Variants in BAZ1A observed in about 807,000 individuals in gnomAD.
The protein encoded by BAZ1A is bromodomain adjacent to zinc finger domain protein 1A.
Under a neutral mutation model 185.2 loss-of-function variants are expected in BAZ1A, and 50 were observed. That is an observed-to-expected ratio of 0.27 (90% confidence interval 0.22 to 0.34). The LOEUF is 0.34. BAZ1A is among the 10% of genes least tolerant of loss of function. The pLI is 1.00. For missense variants in BAZ1A, 1,356 were observed against 1,839.9 expected (o/e 0.74, Z 4.81); for synonymous variants, 571 against 615.6 (o/e 0.93, Z 1.07).
At chr14:34,801,251 A>C in intron 7 of BAZ1A, 58 bp from the exon 8 acceptor site, 1 of 1,182,334 alleles carries the variant, frequency 8.5e-7, no homozygotes. Flanking sequence ...AAAAGCAAAA[A>C]ATTTAAAACT....
intron 4 of BAZ1A, among the ~76,000 whole-genome samples, chr14:34,823,146 G>A (rs2042112087): frequency 6.6e-6 from 1 of 152,090 alleles, no homozygotes; most frequent in African/African-American, 2.4e-5. Context: ...CTGAGGTCAG[G>A]AGTTCAAGAC....
At chr14:34,832,215 C>CAT (rs796421959) in intron 3 of BAZ1A, among the ~76,000 whole-genome samples, 1,199 of 89,680 alleles carry the variant, frequency 0.013, 43 homozygotes, top group African/African-American at 0.037. Flanking sequence ...CACACACACA[C>CAT]ATATATATAT....
intron 3 of BAZ1A, among the ~76,000 whole-genome samples, chr14:34,861,381 C>G (rs2042766970): frequency 6.6e-6 from 1 of 151,970 alleles, no homozygotes; most frequent in East Asian, 1.9e-4. Context: ...CTGAAGAGCT[C>G]GGTGAAAGGG....
rs904698794 is a variant in BAZ1A, at chr14:34,874,620, G to A, written c.-16C>T. ...GCAGCGGCATCTCCCGTCCGCCCGC[G>A]GGCTCGCCTGGACCCTCGGCCGCCC... On this transcript the variant is annotated 5_prime_UTR_variant, in exon 2 of 27. Transcript: ENST00000360310. The surrounding 1 kb of genome is among the most constrained non-coding windows in gnomAD (Gnocchi z 4.7). 6 of 1,599,226 alleles carry A rather than the reference G, an allele frequency of 3.8e-6. No individual in the cohort carries two copies. The highest frequency in any genetic ancestry group is 5.1e-6 in the Non-Finnish European group (6 of 1,171,912).
intron 21 of BAZ1A, among the ~76,000 whole-genome samples, chr14:34,766,045 G>A (rs1878816241): frequency 6.6e-6 from 1 of 152,082 alleles, no homozygotes; most frequent in South Asian, 2.1e-4. Context: ...GTAGCATAAC[G>A]GTTAAGAAAA....
intron 2 of BAZ1A, among the ~76,000 whole-genome samples, chr14:34,869,771 G>A (rs1274749588): frequency 6.6e-6 from 1 of 152,106 alleles, no homozygotes; most frequent in Non-Finnish European, 1.5e-5. Flanking sequence ...CCAAGAGCTG[G>A]AGTCTATTTC....
At chr14:34,758,551 G>T in intron 25 of BAZ1A, 153 bp downstream of exon 25, 3 of 740,076 alleles carry the variant, frequency 4.1e-6, no homozygotes, top group Non-Finnish European at 6.3e-6. Context: ...CTGCACTCCA[G>T]CCTGGGCGAC....
intron 2 of BAZ1A, among the ~76,000 whole-genome samples, chr14:34,864,855 C>A (rs937819290): frequency 6.6e-6 from 1 of 151,224 alleles, no homozygotes; most frequent in Non-Finnish European, 1.5e-5. Context: ...TGGCTCACTG[C>A]AACCTCCGCC....
chr14:34,811,018 A>G lies in BAZ1A; in HGVS notation c.555T>C (p.Ile185=), dbSNP rs2041922390. The change falls in exon 5 of 27, where the codon ATT becomes ATC. Residue 185 remains isoleucine, a synonymous_variant. Transcript: ENST00000360310. Reference sequence around the variant, plus strand: ...CTTTATACTTGAATAGTAAGGGATCAATTGCATCTTTTTTCTTCCTAAAAA... The same window carrying G: ...CTTTATACTTGAATAGTAAGGGATCGATTGCATCTTTTTTCTTCCTAAAAA... The part of the protein sequence containing the change: ...SFQNGKKKDA[I]DPLLFKYKVQ... The G allele has an allele frequency of 6.3e-7, 1 of 1,595,764 alleles. No individual in the cohort carries two copies. Among genetic ancestry groups the G allele is most frequent in the Non-Finnish European group, 8.6e-7 (1 of 1,168,450 alleles).
chr14:34,838,699 A>G (rs1384054848), intron 3 of BAZ1A, among the ~76,000 whole-genome samples: 2 of 151,748 alleles, frequency 1.3e-5, no homozygotes, highest in Admixed American at 1.3e-4. Flanking sequence ...TAATTTTTGT[A>G]TTTTTAGTAG....
intron 4 of BAZ1A, among the ~76,000 whole-genome samples, chr14:34,811,458 A>T (rs911770660): frequency 2.0e-5 from 3 of 152,002 alleles, no homozygotes; most frequent in East Asian, 1.9e-4. Flanking sequence ...TCAAAATTTT[A>T]AAATTTTATT....
intron 17 of BAZ1A, among the ~76,000 whole-genome samples, chr14:34,777,735 T>C (rs560051093): frequency 6.6e-6 from 1 of 151,814 alleles, no homozygotes; most frequent in South Asian, 2.1e-4. Context: ...CTTACATCTG[T>C]AATCCCAACA....
At chr14:34,826,187 A>G (rs1566582719) in intron 3 of BAZ1A, 31 bp from the exon 4 acceptor site, 1 of 1,599,712 alleles carries the variant, frequency 6.3e-7, no homozygotes, top group South Asian at 1.1e-5. Context: ...TAAAAATGCA[A>G]ATCATTTCAT....
At chr14:34,764,615 TACAG>T in intron 23 of BAZ1A, 88 bp downstream of exon 23, 2 of 1,494,528 alleles carry the variant, frequency 1.3e-6, no homozygotes, top group Non-Finnish European at 1.8e-6. Context: ...TAAACTAAGT[TACAG>T]ACCCTAACTA....
chr14:34,822,609 T>C (rs1438067218), intron 4 of BAZ1A, among the ~76,000 whole-genome samples: 1 of 152,162 alleles, frequency 6.6e-6, no homozygotes, highest in Non-Finnish European at 1.5e-5. Context: ...GGTGAGACCC[T>C]GTCTCAAAAA....
intron 4 of BAZ1A, among the ~76,000 whole-genome samples, chr14:34,824,913 C>T (rs1019793559): frequency 1.3e-5 from 2 of 152,058 alleles, no homozygotes; most frequent in African/African-American, 2.4e-5. Flanking sequence ...GGAGAAATAA[C>T]GATTTAGAAT....
rs768269206 is a variant in BAZ1A, at chr14:34,755,811, C to CTT, written c.4387-899_4387-898dup. Among the ~76,000 whole-genome samples, 796 of 138,744 alleles carry CTT rather than the reference C, an allele frequency of 5.7e-3. 15 individuals are homozygous for CTT. Among genetic ancestry groups the CTT allele is most frequent in the African/African-American group, 0.021 (768 of 36,954 alleles). The allele number at this position is 138,744 out of a possible 152,430, so 91.0% of individuals were successfully genotyped here. ...GCCATCACTGTTACCTAATACCTAT[C>CTT]TTTTTTTTTTTTTTTCCTTTTCCTT... On this transcript the variant is annotated intron_variant, in intron 25 of 26. Transcript: ENST00000360310.
chr14:34,841,137 G>T (rs140589122), intron 3 of BAZ1A, among the ~76,000 whole-genome samples: 1 of 151,968 alleles, frequency 6.6e-6, no homozygotes, highest in Non-Finnish European at 1.5e-5. Flanking sequence ...TAGTAAAGAT[G>T]GGGTTTCACC....
rs1320452410 is a variant in BAZ1A, at chr14:34,794,786, A to G, written c.1326T>C (p.Phe442=). 1 of 1,614,092 alleles carries G rather than the reference A, an allele frequency of 6.2e-7. No individual in the cohort carries two copies. Among genetic ancestry groups the G allele is most frequent in the Non-Finnish European group, 8.5e-7 (1 of 1,179,946 alleles). Residue 442 remains phenylalanine, a synonymous_variant, in exon 11 of 27, where the codon TTT becomes TTC. Coordinates refer to ENST00000360310, the MANE Select transcript of BAZ1A (RefSeq NM_013448.3). The stretch of plus-strand genomic sequence containing the variant: ...CATCAGGAAACTCATCTTGAAGATC[A>G]AAAAGTTCCCCAAATGCATTAAGGA... ...LEFLNAFGEL[F]DLQDEFPDGV... is the part of the protein sequence containing the mutation.
Sources: allele counts gnomAD v4.1 joint callset (sites outside exome capture counted in the v4.1 genomes callset), GRCh38; gene constraint gnomAD v4.1.1; non-coding constraint Gnocchi (gnomAD v3.1); transcripts MANE v1.5; gene names NCBI Gene and HGNC (gene_info 2026-07-23, HGNC 2026-07-21).